Variants in NOTCH2 observed in about 807,000 individuals in gnomAD.
NOTCH2 encodes the protein notch receptor 2, also known as neurogenic locus notch homolog protein 2.
NOTCH2 carries 29 observed loss-of-function variants against 235.8 expected under a neutral mutation model. That is an observed-to-expected ratio of 0.12 (90% CI 0.09 to 0.17). The LOEUF is 0.17. NOTCH2 is among the 10% of genes least tolerant of loss of function. NOTCH2 has a pLI of 1.00. For missense variants in NOTCH2, 2,285 were observed against 3,150.2 expected (o/e 0.73, Z 6.57); for synonymous variants, 1,086 against 1,141.5 (o/e 0.95, Z 0.98).
chr1:119,962,062 G>T (rs1157682069), intron 11 of NOTCH2, among the ~76,000 whole-genome samples: 1 of 152,082 alleles, frequency 6.6e-6, no homozygotes, highest in Non-Finnish European at 1.5e-5. Context: ...AACATCTTTG[G>T]CAGGTTCTGA....
chr1:119,958,738 G>GTC (rs781821309), intron 12 of NOTCH2, among the ~76,000 whole-genome samples: 1 of 148,016 alleles, frequency 6.8e-6, no homozygotes, highest in Admixed American at 6.7e-5. Flanking sequence ...GTGTGTGTGT[G>GTC]TGTCTGTGTG....
In NOTCH2 at chr1:119,924,033, G is replaced by A. The variant is rs752356424; in HGVS notation, c.4512-49C>T. On this transcript the variant is annotated intron_variant, in intron 25 of 33. Coordinates refer to ENST00000256646, the MANE Select transcript of NOTCH2 (RefSeq NM_024408.4). The stretch of plus-strand genomic sequence containing the variant: ...AGGCAAAAGAGCTCAGATTAGACTG[G>A]AGCTCTATTTGCTTTTTCATTTGGA... The A allele has an allele frequency of 2.0e-6, 3 of 1,472,382 alleles. No individual in the cohort carries two copies. The South Asian group carries it at 3.5e-5, about 17-fold the overall frequency. The allele number at this position is 1,472,382 out of a possible 1,614,324, so 91.2% of individuals were successfully genotyped here. A position where few individuals can be genotyped will look rare whatever the true frequency, so the allele number is the denominator to read the frequency against.
chr1:119,920,136 G>A (rs1649231794), intron 30 of NOTCH2, 93 bp downstream of exon 30: 4 of 1,395,604 alleles, frequency 2.9e-6, no homozygotes, highest in African/African-American at 1.4e-5. Flanking sequence ...ATTGGGAAGG[G>A]GTTTATGACT....
chr1:119,956,546 CTCT>C lies in NOTCH2; in HGVS notation c.2027-1317_2027-1315del, dbSNP rs1650709528. 2.6e-5 allele frequency among the ~76,000 whole-genome samples: 4 copies of C among 152,256 alleles called. No individual in the cohort carries two copies. The South Asian group carries it at 8.3e-4, about 32-fold the overall frequency. On this transcript the variant is annotated intron_variant, in intron 12 of 33. Coordinates refer to ENST00000256646, the MANE Select transcript of NOTCH2 (RefSeq NM_024408.4). ...TAATCTGGAAGTGGCTGCTGTTTTC[CTCT>C]TAAGTGTTTTATTAATAGCTTATTT...
intron 5 of NOTCH2, among the ~76,000 whole-genome samples, 168 bp downstream of exon 5, chr1:119,986,792 G>GT (rs1355310072): frequency 6.6e-6 from 1 of 152,100 alleles, no homozygotes; most frequent in Non-Finnish European, 1.5e-5. Flanking sequence ...ATAGGAAAAT[G>GT]TATGAGGTTA....
chr1:119,938,697 T>C (rs189636486), intron 19 of NOTCH2, among the ~76,000 whole-genome samples: 1 of 152,302 alleles, frequency 6.6e-6, no homozygotes, highest in East Asian at 1.9e-4. Flanking sequence ...TTTTTTTTTT[T>C]TGAGACGGAG....
At chr1:119,947,988 GAGA>G (rs1650323315) in intron 17 of NOTCH2, among the ~76,000 whole-genome samples, 1 of 152,198 alleles carries the variant, frequency 6.6e-6, no homozygotes, top group Non-Finnish European at 1.5e-5. Context: ...GCAAGAAAGA[GAGA>G]AGGTTAAATT....
Position 119,943,303 on chromosome 1 carries a change from G to A in NOTCH2, c.2753-1549C>T, listed in dbSNP as rs587772071. Among the ~76,000 whole-genome samples the A allele has an allele frequency of 1.3e-4, 20 of 152,184 alleles. No individual in the cohort carries two copies. The South Asian group carries it at 3.1e-3, about 24-fold the overall frequency. ...ATCACTATACAAGTAACTAAGGATC[G>A]GTCAGTACATACATGTAATAAAACT... On this transcript the variant is annotated intron_variant, in intron 17 of 33. Coordinates refer to ENST00000256646, the MANE Select transcript of NOTCH2 (RefSeq NM_024408.4).
intron 17 of NOTCH2, among the ~76,000 whole-genome samples, chr1:119,943,598 GT>G (rs879974570): frequency 6.6e-6 from 1 of 151,952 alleles, no homozygotes; most frequent in Non-Finnish European, 1.5e-5. Context: ...GCTCAAAAAT[GT>G]TTTTTTAAAA....
intron 22 of NOTCH2, among the ~76,000 whole-genome samples, chr1:119,931,803 T>C (rs192902303): frequency 1.3e-5 from 2 of 151,806 alleles, no homozygotes; most frequent in Admixed American, 6.6e-5. Context: ...CAACTCAAAA[T>C]CCAGAAGCCA....
intron 27 of NOTCH2, 90 bp from the exon 28 acceptor site, chr1:119,922,536 T>G (rs774903391): frequency 2.4e-4 from 386 of 1,601,942 alleles, no homozygotes; most frequent in Non-Finnish European, 3.0e-4. Flanking sequence ...AACTTTGACC[T>G]CAACAGTCCT....
At chr1:119,953,722 T>C (rs1553198104) in intron 13 of NOTCH2, 34 bp from the exon 14 acceptor site, 2 of 1,591,212 alleles carry the variant, frequency 1.3e-6, no homozygotes, top group Non-Finnish European at 1.7e-6. Flanking sequence ...CTATAGGAGG[T>C]ATAAACGTAT....
intron 3 of NOTCH2, among the ~76,000 whole-genome samples, chr1:120,002,495 C>A (rs1237512924): frequency 9.2e-5 from 14 of 151,820 alleles, no homozygotes; most frequent in Admixed American, 6.6e-4. Context: ...AATGGTCCCA[C>A]CTGGATGAAT....
At chr1:119,997,996 A>G (rs1186095046) in intron 3 of NOTCH2, among the ~76,000 whole-genome samples, 1 of 147,984 alleles carries the variant, frequency 6.8e-6, no homozygotes, top group Non-Finnish European at 1.5e-5. Context: ...AAAAAAATCA[A>G]CTTCCCTTCT....
intron 1 of NOTCH2, among the ~76,000 whole-genome samples, chr1:120,064,833 G>GA (rs1186422664): frequency 2.7e-5 from 4 of 147,872 alleles, no homozygotes; most frequent in Admixed American, 6.7e-5. Flanking sequence ...CCAACTCAAT[G>GA]AAAAAAATCT....
At position 119,913,809 on chromosome 1, in the gene NOTCH2, A is replaced by G. The variant is rs1193605854; in HGVS notation, c.*1497T>C. The stretch of plus-strand genomic sequence containing the variant: ...AAAGGGAATGTCATGGCCGCTTCAG[A>G]GGAAAAGAAATGGTAGCAGAAAATA... On this transcript the variant is annotated 3_prime_UTR_variant, in exon 34 of 34. Coordinates refer to ENST00000256646, the MANE Select transcript of NOTCH2 (RefSeq NM_024408.4). The G allele has an allele frequency of 4.3e-6, 1 of 233,038 alleles. No individual in the cohort carries two copies. Among genetic ancestry groups the G allele is most frequent in the Non-Finnish European group, 8.5e-6 (1 of 117,970 alleles). The allele number at this position is 233,038 out of a possible 1,614,324, so 14.4% of individuals were successfully genotyped here. A position where few individuals can be genotyped will look rare whatever the true frequency, so the allele number is the denominator to read the frequency against.
rs587773041 is a variant in NOTCH2 at position 119,935,503 on chromosome 1, A to G, written c.3624T>C (p.His1208=). 2.0e-5 allele frequency: 33 copies of G among 1,614,232 alleles called. No individual in the cohort carries two copies. In the South Asian group the frequency reaches 3.4e-4, roughly 17 times the overall value. The change falls in exon 22 of 34, where the codon CAT becomes CAC. Residue 1208 remains histidine (H), a synonymous_variant. Coordinates refer to ENST00000256646, the MANE Select transcript of NOTCH2 (RefSeq NM_024408.4). ...TGCCTGGTGGGCAAGAGCACTTGAA[A>G]TGGTTCACAAGGTCAATACAGGTGC... is the stretch of plus-strand genomic sequence containing the variant. ...NGGTCIDLVN[H]FKCSCPPGTR... is the part of the protein sequence containing the mutation.
intron 1 of NOTCH2, among the ~76,000 whole-genome samples, chr1:120,060,514 CAA>C (rs1438992926): frequency 2.0e-5 from 3 of 149,142 alleles, no homozygotes; most frequent in African/African-American, 7.4e-5. Flanking sequence ...GTAAAAAAAC[CAA>C]AGACGTATAC....
chr1:120,002,804 C>A (rs1180586934), intron 3 of NOTCH2, among the ~76,000 whole-genome samples: 28 of 145,534 alleles, frequency 1.9e-4, no homozygotes, highest in African/African-American at 7.1e-4. Flanking sequence ...GTATCGTTAA[C>A]TTTATGTAAG....
Sources: gnomAD v4.1 joint callset for allele counts (sites outside exome capture counted in the v4.1 genomes callset) on GRCh38, gnomAD v4.1.1 for gene constraint, MANE v1.5 for transcripts, NCBI Gene and HGNC (gene_info 2026-07-23, HGNC 2026-07-21) for gene names.